HECW2: variants seen among roughly 807,000 people sequenced by gnomAD.
The protein encoded by HECW2 is E3 ubiquitin-protein ligase HECW2.
Under a neutral mutation model 175.2 loss-of-function variants are expected in HECW2, and 61 were observed. That is an observed-to-expected ratio of 0.35 (90% confidence interval 0.28 to 0.43). HECW2 has a LOEUF of 0.43. HECW2 is among the 20% of genes least tolerant of loss of function. HECW2 has a pLI of 1.00. For synonymous variants in HECW2, 671 were observed against 731.0 expected, an observed-to-expected ratio of 0.92 and a Z score of 1.32; for missense variants, 1,524 against 2,000.5, an observed-to-expected ratio of 0.76 and a Z score of 4.54.
chr2:196,537,124 C>T, intron 1 of HECW2, among the ~76,000 whole-genome samples: 1 of 152,258 alleles, frequency 6.6e-6, no homozygotes, highest in Non-Finnish European at 1.5e-5. Flanking sequence ...GCCTCCTGCT[C>T]CTAGGAAAGA....
intron 2 of HECW2, among the ~76,000 whole-genome samples, chr2:196,422,109 C>G (rs998269581): frequency 3.9e-5 from 6 of 152,128 alleles, no homozygotes; most frequent in Admixed American, 3.9e-4. Context: ...CTCATTCAGT[C>G]TCTGAACACC....
chr2:196,510,861 G>A (rs1687924506), intron 1 of HECW2, among the ~76,000 whole-genome samples: 2 of 152,150 alleles, frequency 1.3e-5, no homozygotes, highest in African/African-American at 4.8e-5. Flanking sequence ...CAAGCAATTA[G>A]TAGTGAGGAC....
intron 2 of HECW2, among the ~76,000 whole-genome samples, chr2:196,363,508 T>G (rs1287428492): frequency 6.6e-6 from 1 of 152,198 alleles, no homozygotes; most frequent in Non-Finnish European, 1.5e-5. Flanking sequence ...GGGTCCACAG[T>G]GGGCTCAGTC....
intron 1 of HECW2, among the ~76,000 whole-genome samples, chr2:196,552,314 C>T (rs969710642): frequency 6.6e-6 from 1 of 152,166 alleles, no homozygotes; most frequent in Non-Finnish European, 1.5e-5. Flanking sequence ...ATTCTCCCAA[C>T]AAAGTGACCC....
intron 13 of HECW2, among the ~76,000 whole-genome samples, chr2:196,294,336 C>T (rs911574405): frequency 1.3e-5 from 2 of 152,116 alleles, no homozygotes; most frequent in African/African-American, 2.4e-5. Context: ...CTGACCAGGC[C>T]GTGAATGATC....
At chr2:196,495,217 G>A (rs1380564926) in intron 1 of HECW2, among the ~76,000 whole-genome samples, 12 of 152,036 alleles carry the variant, frequency 7.9e-5, no homozygotes, top group South Asian at 6.2e-4. Flanking sequence ...ACAAGCGTAC[G>A]CCACCACGCC....
intron 2 of HECW2, among the ~76,000 whole-genome samples, chr2:196,356,809 A>G (rs2105870072): frequency 6.6e-6 from 1 of 152,356 alleles, no homozygotes; most frequent in Non-Finnish European, 1.5e-5. Context: ...TGCCTAATTT[A>G]TAAAGTAAAC....
chr2:196,492,421 G>A (rs1237226290), intron 1 of HECW2, among the ~76,000 whole-genome samples: 1 of 152,186 alleles, frequency 6.6e-6, no homozygotes, highest in Non-Finnish European at 1.5e-5. Context: ...AATGCCCAGT[G>A]CCATGTGGAA....
intron 4 of HECW2, among the ~76,000 whole-genome samples, chr2:196,330,429 A>G (rs569611344): frequency 2.0e-4 from 31 of 152,356 alleles, no homozygotes; most frequent in African/African-American, 6.7e-4. Flanking sequence ...AATGTGGGAA[A>G]TAGAACCACA....
rs370055977 is a variant in HECW2, at chr2:196,319,394, T to A, written c.1496A>T (p.Asp499Val). The A allele has an allele frequency of 9.3e-6, 15 of 1,613,362 alleles. No homozygotes were observed. Among genetic ancestry groups the A allele is most frequent in the Admixed American group, 5.0e-5 (3 of 60,004 alleles). Residue 499 changes from aspartate to valine, a missense_variant, in exon 9 of 29, where the codon GAT becomes GTT. Physicochemically the swap from Asp to Val is radical, Grantham distance 152. Transcript: ENST00000644978. Reference protein sequence around the residue: ...IMFSRASRADDGSLTSQTKLE... With the variant: ...IMFSRASRADVGSLTSQTKLE... ...CTTTGTCTGAGATGTCAGGCTTCCA[T>A]CATCAGCTCTGGATGCCCTGCTAAA...
intron 13 of HECW2, among the ~76,000 whole-genome samples, chr2:196,303,030 G>T (rs1249862490): frequency 6.6e-6 from 1 of 152,198 alleles, no homozygotes; most frequent in African/African-American, 2.4e-5. Flanking sequence ...TGCCCATTCA[G>T]CATGACACTG....
intron 1 of HECW2, among the ~76,000 whole-genome samples, chr2:196,491,519 CACACACATAT>C (rs1472567326): frequency 1.1e-4 from 16 of 150,056 alleles, no homozygotes; most frequent in Non-Finnish European, 2.2e-4. Flanking sequence ...CACACACACA[CACACACATAT>C]ACACACATAT....
rs1024110798 is a variant in HECW2, at chr2:196,198,970, GC to G, written c.*2306del. 1 of 152,082 alleles carries G rather than the reference GC, an allele frequency of 6.6e-6. No individual in the cohort carries two copies. Among genetic ancestry groups the G allele is most frequent in the Non-Finnish European group, 1.5e-5 (1 of 67,992 alleles). The allele number at this position is 152,082 out of a possible 1,614,324, so 9.4% of individuals were successfully genotyped here. Reference sequence around the variant, plus strand: ...ACTGTTATTTGGGAAAAAGTTGGATGCCTTAATAAAGAAATATATTTGTTAG... The same window carrying G: ...ACTGTTATTTGGGAAAAAGTTGGATGCTTAATAAAGAAATATATTTGTTAG... On this transcript the variant is annotated 3_prime_UTR_variant, in exon 29 of 29. Coordinates refer to ENST00000644978, the MANE Select transcript of HECW2 (RefSeq NM_001348768.2).
At chr2:196,231,946 G>A (rs1246141769) in intron 21 of HECW2, among the ~76,000 whole-genome samples, 3 of 152,138 alleles carry the variant, frequency 2.0e-5, no homozygotes, top group Non-Finnish European at 4.4e-5. Flanking sequence ...CAGAGATCGC[G>A]CCACTGCACT....
At chr2:196,214,708 T>C (rs1687409692) in intron 28 of HECW2, among the ~76,000 whole-genome samples, 1 of 152,224 alleles carries the variant, frequency 6.6e-6, no homozygotes, top group Admixed American at 6.5e-5. Flanking sequence ...CCTTGAGCAG[T>C]CATTCTTTAT....
At position 196,458,841 on chromosome 2, in the gene HECW2, G is replaced by T. The variant is rs536739749; in HGVS notation, c.-35-25383C>A. ...AGATTGCACTACTACACTCCAGCCT[G>T]GCAAGAGAGTAAGACTCTGTCTCAA... On this transcript the variant is annotated intron_variant, in intron 1 of 28. Coordinates refer to ENST00000644978, the MANE Select transcript of HECW2 (RefSeq NM_001348768.2). Among the ~76,000 whole-genome samples, 37 of 152,296 alleles carry T rather than the reference G, an allele frequency of 2.4e-4. No homozygotes were observed. In the East Asian group the frequency reaches 3.3e-3, roughly 13 times the overall value.
chr2:196,302,554 A>T (rs1310732109), intron 13 of HECW2, among the ~76,000 whole-genome samples: 2 of 152,254 alleles, frequency 1.3e-5, no homozygotes, highest in South Asian at 4.1e-4. Flanking sequence ...ATGAGGATGG[A>T]ATGTTTTTCC....
chr2:196,410,767 T>C (rs1169461782), intron 2 of HECW2, among the ~76,000 whole-genome samples: 1 of 152,074 alleles, frequency 6.6e-6, no homozygotes, highest in Non-Finnish European at 1.5e-5. Flanking sequence ...TTTTAAAATG[T>C]TCATTATTCA....
chr2:196,500,718 T>C (rs993096678), intron 1 of HECW2, among the ~76,000 whole-genome samples: 4 of 152,220 alleles, frequency 2.6e-5, no homozygotes, highest in Admixed American at 2.6e-4. Flanking sequence ...ATAAAAACAT[T>C]GCCTCAGAAC....
Sources: allele counts gnomAD v4.1 joint callset (sites outside exome capture counted in the v4.1 genomes callset), GRCh38; gene constraint gnomAD v4.1.1; transcripts MANE v1.5; gene names NCBI Gene and HGNC (gene_info 2026-07-23, HGNC 2026-07-21).